LCA5L: variants seen among roughly 807,000 people sequenced by gnomAD.
LCA5L encodes lebercilin LCA5 like.
Under a neutral mutation model 45.4 loss-of-function variants are expected in LCA5L, and 35 were observed. The ratio of observed to expected loss-of-function variants is 0.77; its 90% CI spans 0.59 to 1.02. The LOEUF is 1.02. LCA5L is among the 50% of genes least tolerant of loss of function. The pLI is 0.00. For synonymous variants in LCA5L, 233 were observed against 264.7 expected, an observed-to-expected ratio of 0.88 and a Z score of 1.16; for missense variants, 668 against 761.6, an observed-to-expected ratio of 0.88 and a Z score of 1.45.
In LCA5L at chr21:39,409,392, T is replaced by C. The variant is rs2039684270; in HGVS notation, c.1282+587A>G. Among the ~76,000 whole-genome samples the C allele has an allele frequency of 6.6e-6, 1 of 151,922 alleles. No individual in the cohort carries two copies. Among genetic ancestry groups the C allele is most frequent in the Non-Finnish European group, 1.5e-5 (1 of 67,998 alleles). On this transcript the variant is annotated intron_variant, in intron 10 of 10. Transcript: ENST00000288350. The surrounding 1 kb of genome is among the most constrained non-coding windows in gnomAD (Gnocchi z 4.2). Reference sequence around the variant, plus strand: ...CCAAGCAGACGAATGTAGCTACATATAAAGACAGGGAGCTGTGAGGGAAAG... The same window carrying C: ...CCAAGCAGACGAATGTAGCTACATACAAAGACAGGGAGCTGTGAGGGAAAG...
In LCA5L at chr21:39,411,723, G is replaced by C; in HGVS notation, c.1055C>G (p.Pro352Arg). 4.8e-6 allele frequency: 7 copies of C among 1,467,302 alleles called. No individual in the cohort carries two copies. The highest frequency in any genetic ancestry group is 6.6e-6 in the Non-Finnish European group (7 of 1,066,608). 90.9% of individuals were successfully genotyped at this position (1,467,302 alleles called of 1,614,324 possible). The change falls in exon 8 of 11, where the codon CCA becomes CGA. Residue 352 changes from proline (P) to arginine (R), a missense_variant. Coordinates refer to ENST00000288350, the MANE Select transcript of LCA5L (RefSeq NM_152505.4). ...CAAAAGTAATTAAAACATACCTTTT[G>C]GATAGTCCTCTGTGTCATGTAAATT... ...LKNLHDTEDY[P>R]KVSSTKSVQA...
intron 6 of LCA5L, chr21:39,422,682 C>G: frequency 2.1e-6 from 1 of 477,266 alleles, no homozygotes; most frequent in Non-Finnish European, 3.6e-6. Context: ...AGTCCCTTAG[C>G]ACTGTAGCTG....
chr21:39,428,587 T>C, intron 4 of LCA5L, 84 bp from the exon 5 acceptor site: 1 of 38,006 alleles, frequency 2.6e-5, no homozygotes, highest in Non-Finnish European at 5.7e-5. Context: ...TTTATATATA[T>C]ATATATATAT....
Position 39,444,019 on chromosome 21 carries a change from G to A in LCA5L, c.-246+116C>T, listed in dbSNP as rs1412459626. 5 of 145,030 alleles carry A rather than the reference G, an allele frequency of 3.4e-5. No homozygotes were observed. In the East Asian group the frequency reaches 5.8e-4, roughly 17 times the overall value. The allele number at this position is 145,030 out of a possible 1,614,324, so 9.0% of individuals were successfully genotyped here. ...CACTCCAGCCTGGCCGACAGAGTAA[G>A]GCTCTGTCTTAAAAAAAAAAAAAAC... On this transcript the variant is annotated intron_variant, in intron 2 of 10. Coordinates refer to ENST00000288350, the MANE Select transcript of LCA5L (RefSeq NM_152505.4).
Position 39,410,111 on chromosome 21 carries a change from A to G in LCA5L, c.1165-15T>C. On this transcript the variant is annotated splice_polypyrimidine_tract_variant and intron_variant, in intron 9 of 10. Coordinates refer to ENST00000288350, the MANE Select transcript of LCA5L (RefSeq NM_152505.4). Reference sequence around the variant, plus strand: ...GCCTTTTTACCCTGTAATTTAGAAAAGCAGCAAAAACACATTTTGGGGGGT... The same window carrying G: ...GCCTTTTTACCCTGTAATTTAGAAAGGCAGCAAAAACACATTTTGGGGGGT... 6.4e-7 allele frequency: 1 copy of G among 1,557,470 alleles called. No homozygotes were observed. The highest frequency in any genetic ancestry group is 8.8e-7 in the Non-Finnish European group (1 of 1,130,192).
intron 7 of LCA5L, among the ~76,000 whole-genome samples, chr21:39,412,422 A>G (rs1319567914): frequency 6.6e-6 from 1 of 152,246 alleles, no homozygotes; most frequent in Non-Finnish European, 1.5e-5. Flanking sequence ...GTTGAGGAAC[A>G]AAGAAAGGGT....
At chr21:39,432,114 C>A (rs968507581) in intron 3 of LCA5L, among the ~76,000 whole-genome samples, 1 of 152,126 alleles carries the variant, frequency 6.6e-6, no homozygotes, top group Non-Finnish European at 1.5e-5. Context: ...TATTTAGATG[C>A]TATATTCTTT....
At position 39,423,083 on chromosome 21, in the gene LCA5L, C is replaced by A; in HGVS notation, c.730G>T (p.Ala244Ser). The A allele has an allele frequency of 6.2e-7, 1 of 1,614,088 alleles. No homozygotes were observed. Among genetic ancestry groups the A allele is most frequent in the Middle Eastern group, 1.6e-4 (1 of 6,062 alleles). Residue 244 changes from alanine to serine, a missense_variant, in exon 6 of 11, where the codon GCA (alanine) becomes TCA (serine). Ala to Ser is a moderately conservative substitution (Grantham distance 99). Transcript: ENST00000288350. ...TTGTCTTCAGAAAGTTTCTGCAGTG[C>A]CTGCAAGATATCTTTAGTCTTCAGT... The part of the protein sequence containing the change: ...QLLKTKDILQ[A>S]LQKLSEDKNL...
chr21:39,435,891 G>T (rs2076239963), intron 2 of LCA5L, among the ~76,000 whole-genome samples: 1 of 152,146 alleles, frequency 6.6e-6, no homozygotes, highest in African/African-American at 2.4e-5. Context: ...ACTCACCTTG[G>T]CCTCCCAAAG....
At chr21:39,437,432 T>C (rs1601957694) in intron 2 of LCA5L, among the ~76,000 whole-genome samples, 3 of 152,200 alleles carry the variant, frequency 2.0e-5, no homozygotes, top group Admixed American at 2.0e-4. Flanking sequence ...GAGAATTAAA[T>C]TGACACCATA....
chr21:39,411,907 CTG>C (rs1462584528), intron 7 of LCA5L, 105 bp from the exon 8 acceptor site: 1 of 626,350 alleles, frequency 1.6e-6, no homozygotes. Context: ...TGAATAAAAT[CTG>C]TAGATTTTAG....
rs539754591 is a variant in LCA5L at position 39,419,690 on chromosome 21, C to T, written c.975+1016G>A. On this transcript the variant is annotated intron_variant, in intron 7 of 10. Transcript: ENST00000288350. ...AATCCTTGTGAATGGGATTAGTGCC[C>T]TTGTAAAAGAGGCCTAAAGGAGCTC... Among the ~76,000 whole-genome samples, 16 of 151,912 alleles carry T rather than the reference C, an allele frequency of 1.1e-4. No individual in the cohort carries two copies. The South Asian group carries it at 3.1e-3, about 30-fold the overall frequency.
intron 5 of LCA5L, chr21:39,427,928 T>C (rs1157779909): frequency 6.7e-6 from 2 of 300,290 alleles, no homozygotes; most frequent in South Asian, 1.2e-4. Context: ...CTAACCTCAC[T>C]AGTAGGCTCC....
chr21:39,435,690 G>C (rs2076219513), intron 2 of LCA5L, 117 bp from the exon 3 acceptor site: 1 of 152,114 alleles, frequency 6.6e-6, no homozygotes, highest in Non-Finnish European at 1.5e-5. Flanking sequence ...TTGTATTATG[G>C]ATTGGTGTGG....
rs917490351 is a variant in LCA5L at position 39,445,181 on chromosome 21, A to C, written c.-313+544T>G. Among the ~76,000 whole-genome samples the C allele has an allele frequency of 2.0e-5, 3 of 149,228 alleles. No individual in the cohort carries two copies. In the South Asian group the frequency reaches 6.5e-4, roughly 32 times the overall value. ...CACGCTGAGGGGAGGGTGTGGATAA[A>C]GAGCCCCGAGGCTGGGTGAGTGGGG... On this transcript the variant is annotated intron_variant, in intron 1 of 10. Transcript: ENST00000288350.
intron 1 of LCA5L, among the ~76,000 whole-genome samples, chr21:39,444,945 G>A (rs963121931): frequency 4.6e-5 from 7 of 152,120 alleles, no homozygotes; most frequent in Non-Finnish European, 1.0e-4. Flanking sequence ...GCAGCTAAAT[G>A]CAGGGATCTG....
intron 7 of LCA5L, among the ~76,000 whole-genome samples, chr21:39,412,651 C>T (rs1312130292): frequency 6.6e-6 from 1 of 152,134 alleles, no homozygotes; most frequent in Non-Finnish European, 1.5e-5. Context: ...GAGCTCTTGT[C>T]TCCTTGTGCC....
At chr21:39,437,563 G>C (rs916331562) in intron 2 of LCA5L, among the ~76,000 whole-genome samples, 5 of 152,068 alleles carry the variant, frequency 3.3e-5, no homozygotes, top group African/African-American at 1.2e-4. Context: ...GGGTTCAGGT[G>C]ATCCTCCCAC....
intron 7 of LCA5L, among the ~76,000 whole-genome samples, 184 bp downstream of exon 7, chr21:39,420,522 C>CA (rs397972848): frequency 0.17 from 15,225 of 87,068 alleles, 1,593 homozygotes; most frequent in South Asian, 0.21. Flanking sequence ...GATTCTATCT[C>CA]AAAAAAAAAA....
Sources: allele counts gnomAD v4.1 joint callset (sites outside exome capture counted in the v4.1 genomes callset), GRCh38; gene constraint gnomAD v4.1.1; non-coding constraint Gnocchi (gnomAD v3.1); transcripts MANE v1.5; gene names NCBI Gene and HGNC (gene_info 2026-07-23, HGNC 2026-07-21).